SERPINF1: variants seen among roughly 807,000 people sequenced by gnomAD.
SERPINF1 encodes the protein serpin family F member 1, also known as pigment epithelium-derived factor.
Under a neutral mutation model 37.3 loss-of-function variants are expected in SERPINF1, and 29 were observed. The observed-to-expected ratio is 0.78, with a 90% CI of 0.58 to 1.06. SERPINF1 has a LOEUF of 1.06. SERPINF1 is among the 50% of genes least tolerant of loss of function. The pLI, the probability that SERPINF1 is intolerant of heterozygous loss-of-function variation, is 0.00. For synonymous variants in SERPINF1, 281 were observed against 227.9 expected, an observed-to-expected ratio of 1.23 and a Z score of -2.10; for missense variants, 553 against 532.2, an observed-to-expected ratio of 1.04 and a Z score of -0.38.
intron 2 of SERPINF1, among the ~76,000 whole-genome samples, chr17:1,768,191 G>A (rs142474842): frequency 0.022 from 3,412 of 152,202 alleles, 143 homozygotes; most frequent in African/African-American, 0.079. Context: ...CAGCACTTTG[G>A]GAGGCGGAGG....
At position 1,777,406 on chromosome 17, in the gene SERPINF1, T is replaced by A. The variant is rs977677041; in HGVS notation, c.1217T>A (p.Leu406His). The A allele has an allele frequency of 6.2e-7, 1 of 1,613,996 alleles. No individual in the cohort carries two copies. Among genetic ancestry groups the A allele is most frequent in the African/African-American group, 1.3e-5 (1 of 74,896 alleles). Residue 406 changes from leucine to histidine, a missense_variant, in exon 8 of 8, where the codon CTT becomes CAT. Leu to His is a moderately conservative substitution (Grantham distance 99). Transcript: ENST00000254722. ...CTGAGGGACACAGACACAGGGGCCCTTCTCTTCATTGGCAAGATTCTGGAC... is the reference window on the plus strand; with the variant it reads ...CTGAGGGACACAGACACAGGGGCCCATCTCTTCATTGGCAAGATTCTGGAC... The part of the protein sequence containing the change: ...FVLRDTDTGA[L>H]LFIGKILDPR...
intron 1 of SERPINF1, among the ~76,000 whole-genome samples, chr17:1,763,850 T>C (rs1907223820): frequency 6.6e-6 from 1 of 152,244 alleles, no homozygotes; most frequent in Admixed American, 6.5e-5. Flanking sequence ...CTAAAGTCGC[T>C]CCTTCAAGTC....
intron 1 of SERPINF1, among the ~76,000 whole-genome samples, chr17:1,763,356 G>A (rs990579644): frequency 1.8e-4 from 28 of 152,210 alleles, no homozygotes; most frequent in African/African-American, 6.3e-4. Context: ...TGTGTTTCTT[G>A]ATGTGGGCAA....
In SERPINF1 at chr17:1,771,839, T is replaced by C. The variant is rs773461301; in HGVS notation, c.440-33T>C. The C allele has an allele frequency of 1.2e-5, 20 of 1,602,280 alleles. 1 individual carries two copies. In the South Asian group the frequency reaches 2.1e-4, roughly 17 times the overall value. On this transcript the variant is annotated intron_variant, in intron 4 of 7. Coordinates refer to ENST00000254722, the MANE Select transcript of SERPINF1 (RefSeq NM_002615.7). ...AAGACGGGATGCTTGTCGTCGAGTC[T>C]CATACGCTAACCTCTGCTCCGCCTC...
chr17:1,776,203 T>C (rs553844724), intron 6 of SERPINF1, among the ~76,000 whole-genome samples: 1 of 152,294 alleles, frequency 6.6e-6, no homozygotes, highest in African/African-American at 2.4e-5. Context: ...GAGCAGTAAA[T>C]GTTGGCCGAT....
Position 1,766,931 on chromosome 17 carries a change from C to A in SERPINF1, c.21C>A (p.Leu7=), listed in dbSNP as rs910108450. 133 of 1,564,584 alleles carry A rather than the reference C, an allele frequency of 8.5e-5. No individual in the cohort carries two copies. The highest frequency in any genetic ancestry group is 1.0e-4 in the Non-Finnish European group (116 of 1,154,474). MQALVL[L]LCIGALLGHS... ...CCAGGATGCAGGCCCTGGTGCTACT[C>A]CTCTGCATTGGAGCCCTCCTCGGGC... The change falls in exon 2 of 8, where the codon CTC becomes CTA. Residue 7 remains leucine, a synonymous_variant. Coordinates refer to ENST00000254722, the MANE Select transcript of SERPINF1 (RefSeq NM_002615.7).
At chr17:1,768,840 CTG>C (rs1907548380) in intron 2 of SERPINF1, among the ~76,000 whole-genome samples, 1 of 151,842 alleles carries the variant, frequency 6.6e-6, no homozygotes, top group African/African-American at 2.4e-5. Flanking sequence ...GGGTCTCACT[CTG>C]TCACCCAGGC....
At position 1,769,995 on chromosome 17, in the gene SERPINF1, C is replaced by A; in HGVS notation, c.228C>A (p.Thr76=). Residue 76 remains threonine, a synonymous_variant, in exon 3 of 8, where the codon ACC becomes ACA. Transcript: ENST00000254722. ...YRVRSSTSPT[T]NVLLSPLSVA... is the part of the protein sequence containing the mutation. ...TGCGATCCAGCACGAGCCCCACGAC[C>A]AACGTGCTCCTGTCTCCTCTCAGTG... is the stretch of plus-strand genomic sequence containing the variant. The A allele has an allele frequency of 6.2e-7, 1 of 1,614,176 alleles. No homozygotes were observed. Among genetic ancestry groups the A allele is most frequent in the Non-Finnish European group, 8.5e-7 (1 of 1,179,998 alleles).
At chr17:1,774,427 AC>A (rs1357993253) in intron 5 of SERPINF1, among the ~76,000 whole-genome samples, 3 of 152,090 alleles carry the variant, frequency 2.0e-5, no homozygotes, top group African/African-American at 7.2e-5. Context: ...AAAACTCCTG[AC>A]CTCAGATGAT....
chr17:1,772,300 G>A (rs908406753), intron 5 of SERPINF1, among the ~76,000 whole-genome samples: 9 of 151,730 alleles, frequency 5.9e-5, no homozygotes, highest in African/African-American at 2.2e-4. Flanking sequence ...GTATTTAATA[G>A]ACATGGGGTT....
At chr17:1,775,476 C>G (rs1365930622) in intron 6 of SERPINF1, among the ~76,000 whole-genome samples, 1 of 151,828 alleles carries the variant, frequency 6.6e-6, no homozygotes, top group African/African-American at 2.4e-5. Context: ...TGTTTGTTCT[C>G]TTGAGACTCC....
At position 1,771,848 on chromosome 17, in the gene SERPINF1, A is replaced by T. The variant is rs767935442; in HGVS notation, c.440-24A>T. 3 of 1,606,516 alleles carry T rather than the reference A, an allele frequency of 1.9e-6. No homozygotes were observed. In the South Asian group the frequency reaches 3.3e-5, roughly 18 times the overall value. The stretch of plus-strand genomic sequence containing the variant: ...TGCTTGTCGTCGAGTCTCATACGCT[A>T]ACCTCTGCTCCGCCTCTTCTCAGAG... On this transcript the variant is annotated intron_variant, in intron 4 of 7. Coordinates refer to ENST00000254722, the MANE Select transcript of SERPINF1 (RefSeq NM_002615.7).
intron 7 of SERPINF1, 60 bp from the exon 8 acceptor site, chr17:1,777,127 C>T: frequency 6.2e-7 from 1 of 1,612,944 alleles, no homozygotes; most frequent in Non-Finnish European, 8.5e-7. Context: ...CAAAGGGATC[C>T]CTTGGTTGGG....
At chr17:1,764,519 A>G (rs1907256759) in intron 1 of SERPINF1, among the ~76,000 whole-genome samples, 1 of 152,266 alleles carries the variant, frequency 6.6e-6, no homozygotes, top group South Asian at 2.1e-4. Context: ...CTGGGAACGC[A>G]GAGGTCTGCG....
chr17:1,769,482 G>C (rs977571850), intron 2 of SERPINF1, among the ~76,000 whole-genome samples: 60 of 152,078 alleles, frequency 3.9e-4, no homozygotes, highest in African/African-American at 1.4e-3. Context: ...CATGAGGCCA[G>C]GCGCAGTGGC....
At chr17:1,766,670 G>A (rs1715533081) in intron 1 of SERPINF1, 2 of 554,736 alleles carry the variant, frequency 3.6e-6, no homozygotes, top group South Asian at 4.6e-5. Flanking sequence ...TGGTATGACT[G>A]TGGGCCCTGA....
Position 1,770,026 on chromosome 17 carries a change from ACGGCCCTCT to A in SERPINF1, c.271_279del (p.Ala91_Ser93del), listed in dbSNP as rs758551389. ...GCTCCTGTCTCCTCTCAGTGTGGCC[ACGGCCCTCT>A]CGGCCCTCTCGCTGGGTGAGTGCTC... On this transcript the variant is annotated inframe_deletion, in exon 3 of 8. Transcript: ENST00000254722. The A allele has an allele frequency of 8.1e-6, 13 of 1,614,208 alleles. No individual in the cohort carries two copies. The highest frequency in any genetic ancestry group is 8.5e-6 in the Non-Finnish European group (10 of 1,180,036).
Position 1,777,442 on chromosome 17 carries a change from C to G in SERPINF1, c.1253C>G (p.Pro418Arg), listed in dbSNP as rs1457462278. The G allele has an allele frequency of 9.9e-6, 16 of 1,613,970 alleles. No homozygotes were observed. The highest frequency in any genetic ancestry group is 2.2e-5 in the East Asian group (1 of 44,894). ...GGCAAGATTCTGGACCCCAGGGGCC[C>G]CTAATATCCCAGTTTAATATTCCAA... is the stretch of plus-strand genomic sequence containing the variant. ...FIGKILDPRG[P>R] is the part of the protein sequence containing the mutation. The change falls in exon 8 of 8, where the codon CCC becomes CGC. Residue 418 changes from proline (P) to arginine (R), a missense_variant. Pro to Arg is a moderately radical substitution (Grantham distance 103). Coordinates refer to ENST00000254722, the MANE Select transcript of SERPINF1 (RefSeq NM_002615.7).
At chr17:1,770,152 G>A (rs1157918221) in intron 3 of SERPINF1, 102 bp downstream of exon 3, 4 of 1,321,790 alleles carry the variant, frequency 3.0e-6, no homozygotes, top group African/African-American at 1.5e-5. Flanking sequence ...TTCAGCGAGG[G>A]GTGAAGTAGC....
Sources: allele counts gnomAD v4.1 joint callset (sites outside exome capture counted in the v4.1 genomes callset), GRCh38; gene constraint gnomAD v4.1.1; transcripts MANE v1.5; gene names NCBI Gene and HGNC (gene_info 2026-07-23, HGNC 2026-07-21).